Variants in ASS1 observed in about 807,000 individuals in gnomAD.
ASS1 encodes argininosuccinate synthase 1.
Under a neutral mutation model 60.5 loss-of-function variants are expected in ASS1, and 58 were observed. The observed-to-expected ratio is 0.96, with a 90% CI of 0.78 to 1.19. The LOEUF (loss-of-function observed/expected upper bound fraction) is 1.19, where lower values mean the gene tolerates loss of function less well. Among genes scored for constraint, ASS1 ranks in the 50% most tolerant of loss-of-function variants. ASS1 has a pLI of 0.00. For missense variants in ASS1, 454 were observed against 547.3 expected, an observed-to-expected ratio of 0.83 and a Z score of 1.70; for synonymous variants, 200 against 206.9, an observed-to-expected ratio of 0.97 and a Z score of 0.29.
Position 130,494,778 on chromosome 9 carries a change from C to A in ASS1, c.971-89C>A. 1 of 1,547,222 alleles carries A rather than the reference C, an allele frequency of 6.5e-7. No individual in the cohort carries two copies. Among genetic ancestry groups the A allele is most frequent in the Non-Finnish European group, 8.9e-7 (1 of 1,123,302 alleles). ...TCATGGTCTGCATGGCGGGGTAAACCATGGGGCACCCTTCCTGTGCCCCAG... is the reference window on the plus strand; with the variant it reads ...TCATGGTCTGCATGGCGGGGTAAACAATGGGGCACCCTTCCTGTGCCCCAG... On this transcript the variant is annotated intron_variant, in intron 12 of 14. Coordinates refer to ENST00000352480, the MANE Select transcript of ASS1 (RefSeq NM_054012.4). This position sits in a 1 kb window ranked among gnomAD's most constrained non-coding sequence, Gnocchi z 4.3.
chr9:130,466,895 C>T (rs1383154207), intron 6 of ASS1, 96 bp downstream of exon 6: 7 of 1,381,322 alleles, frequency 5.1e-6, no homozygotes, highest in African/African-American at 1.4e-5. Flanking sequence ...TGGCCTAGGC[C>T]GGGACTGACC....
rs1845551449 is a variant in ASS1 at position 130,460,026 on chromosome 9, AG to A, written c.363+1438del. 5.3e-5 allele frequency among the ~76,000 whole-genome samples: 8 copies of A among 152,362 alleles called. No individual in the cohort carries two copies. The South Asian group carries it at 1.7e-3, about 32-fold the overall frequency. ...AGTCATGAGCTCTCAGTCAGCGGAC[AG>A]CATGCCAAGAGCCTGGTACAGGAAT... On this transcript the variant is annotated intron_variant, in intron 4 of 14. Transcript: ENST00000352480.
Position 130,477,091 on chromosome 9 carries a change from G to T in ASS1, c.688+130G>T. Reference sequence around the variant, plus strand: ...TTCCTGGAAGCTAGAGTTCAGGCAGGGGCTTCAAGGTAACGCACAGCCCAC... The same window carrying T: ...TTCCTGGAAGCTAGAGTTCAGGCAGTGGCTTCAAGGTAACGCACAGCCCAC... On this transcript the variant is annotated intron_variant, in intron 9 of 14. Coordinates refer to ENST00000352480, the MANE Select transcript of ASS1 (RefSeq NM_054012.4). The surrounding 1 kb of genome is among the most constrained non-coding windows in gnomAD (Gnocchi z 4.2). 1.0e-6 allele frequency: 1 copy of T among 976,848 alleles called. No homozygotes were observed. The allele number at this position is 976,848 out of a possible 1,614,324, so 60.5% of individuals were successfully genotyped here.
intron 13 of ASS1, among the ~76,000 whole-genome samples, chr9:130,497,477 G>C (rs954416052): frequency 7.0e-6 from 1 of 142,512 alleles, no homozygotes; most frequent in African/African-American, 2.5e-5. Flanking sequence ...TCTGTAGACC[G>C]TCAGGGGAGG....
chr9:130,451,022 G>A (rs1461410181), intron 1 of ASS1, among the ~76,000 whole-genome samples: 2 of 152,180 alleles, frequency 1.3e-5, no homozygotes, highest in African/African-American at 2.4e-5. Context: ...TTGTTGATCC[G>A]ATGACCCTGG....
chr9:130,485,225 T>G (rs1846280343), intron 11 of ASS1, among the ~76,000 whole-genome samples: 1 of 152,126 alleles, frequency 6.6e-6, no homozygotes, highest in Non-Finnish European at 1.5e-5. Flanking sequence ...CCTCGAATGT[T>G]CTCGAGACAA....
At chr9:130,467,560 C>A (rs1180058519) in intron 6 of ASS1, among the ~76,000 whole-genome samples, 1 of 152,130 alleles carries the variant, frequency 6.6e-6, no homozygotes, top group Non-Finnish European at 1.5e-5. Flanking sequence ...GCGGCAGGGA[C>A]GCAGCCCTGC....
chr9:130,452,097 T>A (rs1460865778), intron 1 of ASS1, 127 bp from the exon 2 acceptor site: 2 of 815,406 alleles, frequency 2.5e-6, no homozygotes, highest in Non-Finnish European at 4.2e-6. Context: ...GTTCCCGACC[T>A]TCAGTGGCAG....
intron 11 of ASS1, among the ~76,000 whole-genome samples, 161 bp downstream of exon 11, chr9:130,480,610 C>T (rs1490524527): frequency 6.6e-6 from 1 of 152,244 alleles, no homozygotes; most frequent in East Asian, 1.9e-4. Context: ...TCCCTCCTGC[C>T]AAGTGGGGAT....
At chr9:130,462,336 C>T (rs1464298285) in intron 4 of ASS1, among the ~76,000 whole-genome samples, 2 of 152,182 alleles carry the variant, frequency 1.3e-5, no homozygotes, top group Non-Finnish European at 2.9e-5. Flanking sequence ...TATCAGCATG[C>T]GGACACTCGT....
intron 4 of ASS1, among the ~76,000 whole-genome samples, chr9:130,461,304 A>G (rs564453398): frequency 6.6e-6 from 1 of 152,288 alleles, no homozygotes; most frequent in South Asian, 2.1e-4. Context: ...AGCCTGCAAC[A>G]GCCTCCCGCA....
At chr9:130,468,832 G>A (rs985383435) in intron 6 of ASS1, among the ~76,000 whole-genome samples, 1 of 152,204 alleles carries the variant, frequency 6.6e-6, no homozygotes, top group Non-Finnish European at 1.5e-5. Context: ...CAAGGTGGGA[G>A]CTAGAAACAG....
chr9:130,450,661 G>A (rs995780459), intron 1 of ASS1, among the ~76,000 whole-genome samples: 1 of 152,252 alleles, frequency 6.6e-6, no homozygotes, highest in African/African-American at 2.4e-5. Context: ...TCATGTGACG[G>A]AGCTCCAAAG....
Position 130,489,412 on chromosome 9 carries a change from G to A in ASS1, c.918G>A (p.Val306=), listed in dbSNP as rs773089581. The part of the protein sequence containing the change: ...DIEAFTMDRE[V]RKIKQGLGLK... The stretch of plus-strand genomic sequence containing the variant: ...AGGCCTTCACCATGGACCGGGAAGT[G>A]CGCAAAATCAAACAAGGCCTGGGCT... Residue 306 remains valine (V), a synonymous_variant, in exon 12 of 15, where the codon GTG becomes GTA. Transcript: ENST00000352480. The surrounding 1 kb of genome is among the most constrained non-coding windows in gnomAD (Gnocchi z 4.1). The A allele has an allele frequency of 3.1e-6, 5 of 1,614,070 alleles. No individual in the cohort carries two copies. Among genetic ancestry groups the A allele is most frequent in the Non-Finnish European group, 4.2e-6 (5 of 1,180,014 alleles).
Position 130,501,171 on chromosome 9 carries a change from C to G in ASS1, c.*150C>G. The G allele has an allele frequency of 1.2e-6, 1 of 841,236 alleles. No homozygotes were observed. Among genetic ancestry groups the G allele is most frequent in the Non-Finnish European group, 1.9e-6 (1 of 513,912 alleles). The allele number at this position is 841,236 out of a possible 1,614,324, so 52.1% of individuals were successfully genotyped here. On this transcript the variant is annotated 3_prime_UTR_variant, in exon 15 of 15. Transcript: ENST00000352480. ...AGGCCCCAGCTTTGTTCCCTGGTCC[C>G]CCTGAAGCCTGCAAACGTTGTCATC...
Position 130,459,902 on chromosome 9 carries a change from A to T in ASS1, c.363+1313A>T, listed in dbSNP as rs976109892. On this transcript the variant is annotated intron_variant, in intron 4 of 14. Coordinates refer to ENST00000352480, the MANE Select transcript of ASS1 (RefSeq NM_054012.4). This position sits in a 1 kb window ranked among gnomAD's most constrained non-coding sequence, Gnocchi z 4.6. ...GCGGGGTCCCCGTGGGGTGCAAGAC[A>T]GGAAGCCCCCTGCCTGCTGCTCTTC... Among the ~76,000 whole-genome samples, 1 of 152,254 alleles carries T rather than the reference A, an allele frequency of 6.6e-6. No individual in the cohort carries two copies. Among genetic ancestry groups the T allele is most frequent in the Non-Finnish European group, 1.5e-5 (1 of 68,040 alleles).
chr9:130,496,491 T>G (rs1278233400), intron 13 of ASS1, among the ~76,000 whole-genome samples: 4 of 149,012 alleles, frequency 2.7e-5, no homozygotes, highest in South Asian at 4.3e-4. Context: ...CTCAGGAGGC[T>G]GAGGCAGGAG....
chr9:130,462,777 A>G (rs572275977), intron 4 of ASS1, among the ~76,000 whole-genome samples: 43 of 152,286 alleles, frequency 2.8e-4, no homozygotes, highest in Middle Eastern at 3.4e-3. Context: ...CATCCGTAAG[A>G]TGGGACTAAT....
In ASS1 at chr9:130,477,982, C is replaced by T. The variant is rs1256259630; in HGVS notation, c.688+1021C>T. The stretch of plus-strand genomic sequence containing the variant: ...GCAGAGCTGCAGATCCCCCTCTCCC[C>T]CTTGCTGGTGTGACCTTGACAGCCA... On this transcript the variant is annotated intron_variant, in intron 9 of 14. Transcript: ENST00000352480. This position sits in a 1 kb window ranked among gnomAD's most constrained non-coding sequence, Gnocchi z 4.2. Among the ~76,000 whole-genome samples, 1 of 152,192 alleles carries T rather than the reference C, an allele frequency of 6.6e-6. No homozygotes were observed. The highest frequency in any genetic ancestry group is 1.5e-5 in the Non-Finnish European group (1 of 68,032).
Sources: gnomAD v4.1 joint callset for allele counts (sites outside exome capture counted in the v4.1 genomes callset) on GRCh38, gnomAD v4.1.1 for gene constraint, Gnocchi (gnomAD v3.1) non-coding constraint, MANE v1.5 for transcripts, NCBI Gene and HGNC (gene_info 2026-07-23, HGNC 2026-07-21) for gene names.